Variants in TRPC3 observed in about 807,000 individuals in gnomAD.
TRPC3 encodes the protein short transient receptor potential channel 3.
Under a neutral mutation model 90.9 loss-of-function variants are expected in TRPC3, and 54 were observed. That is an observed-to-expected ratio of 0.59 (90% confidence interval 0.48 to 0.75). The LOEUF (loss-of-function observed/expected upper bound fraction) is 0.75. TRPC3 is among the 30% of genes least tolerant of loss of function. The pLI is 0.00. For synonymous variants in TRPC3, 424 were observed against 450.9 expected, an observed-to-expected ratio of 0.94 and a Z score of 0.75; for missense variants, 918 against 1,194.5, an observed-to-expected ratio of 0.77 and a Z score of 3.41.
chr4:121,901,412 A>G (rs1728693708), intron 9 of TRPC3, among the ~76,000 whole-genome samples: 1 of 152,238 alleles, frequency 6.6e-6, no homozygotes, highest in African/African-American at 2.4e-5. Flanking sequence ...CAGGTGCCGC[A>G]GAGAGAGCTA....
chr4:121,944,462 G>A (rs1258291543), intron 1 of TRPC3, among the ~76,000 whole-genome samples: 3 of 152,016 alleles, frequency 2.0e-5, no homozygotes, highest in East Asian at 3.9e-4. Context: ...TGTAGGCAGA[G>A]GAAAAGCTCA....
intron 1 of TRPC3, among the ~76,000 whole-genome samples, chr4:121,942,819 C>T (rs1730364988): frequency 6.6e-6 from 1 of 152,200 alleles, no homozygotes; most frequent in Non-Finnish European, 1.5e-5. Flanking sequence ...TCTAAAAGTA[C>T]ACTGGAGCAG....
At chr4:121,890,758 G>A (rs1054605824) in intron 10 of TRPC3, among the ~76,000 whole-genome samples, 5 of 151,962 alleles carry the variant, frequency 3.3e-5, no homozygotes, top group South Asian at 2.1e-4. Context: ...TTGGGAGGCC[G>A]AGATGGGTGG....
chr4:121,940,639 C>T lies in TRPC3; in HGVS notation c.216-7597G>A, dbSNP rs367692069. Among the ~76,000 whole-genome samples the T allele has an allele frequency of 5.4e-4, 83 of 152,304 alleles. 1 individual carries two copies. The highest frequency in any genetic ancestry group is 1.0e-3 in the South Asian group (5 of 4,822). On this transcript the variant is annotated intron_variant, in intron 1 of 11. Coordinates refer to ENST00000379645, the MANE Select transcript of TRPC3 (RefSeq NM_001130698.2). ...AGGGTCACGTTTCACAGGGCAATGCCGATATGACCCACAAGATTCTGTTCA... is the reference window on the plus strand; with the variant it reads ...AGGGTCACGTTTCACAGGGCAATGCTGATATGACCCACAAGATTCTGTTCA...
At chr4:121,935,333 T>G (rs1398944800) in intron 1 of TRPC3, among the ~76,000 whole-genome samples, 1 of 151,876 alleles carries the variant, frequency 6.6e-6, no homozygotes, top group African/African-American at 2.4e-5. Flanking sequence ...GTATGATGTG[T>G]AGGGGAGAGT....
At chr4:121,911,829 A>G (rs1258704180) in intron 5 of TRPC3, 48 bp downstream of exon 5, 1 of 1,524,042 alleles carries the variant, frequency 6.6e-7, no homozygotes, top group African/African-American at 1.4e-5. Flanking sequence ...AATTATTTCT[A>G]TAATTACCTT....
intron 1 of TRPC3, among the ~76,000 whole-genome samples, chr4:121,936,096 C>T (rs1283265325): frequency 2.0e-5 from 3 of 152,078 alleles, no homozygotes; most frequent in Admixed American, 2.0e-4. Context: ...ACTGTTGTTT[C>T]AAAATAAAAG....
At chr4:121,899,766 T>G in intron 9 of TRPC3, 71 bp from the exon 10 acceptor site, 1 of 1,191,088 alleles carries the variant, frequency 8.4e-7, no homozygotes, top group South Asian at 1.3e-5. Context: ...AATCCATTTA[T>G]TCTCCTTGAT....
chr4:121,901,971 G>A (rs1578614541), intron 9 of TRPC3, among the ~76,000 whole-genome samples: 1 of 152,144 alleles, frequency 6.6e-6, no homozygotes, highest in East Asian at 1.9e-4. Context: ...TACAATTCTT[G>A]AAGATTCACA....
chr4:121,910,496 T>A, intron 5 of TRPC3, 109 bp from the exon 6 acceptor site: 1 of 813,694 alleles, frequency 1.2e-6, no homozygotes, highest in Admixed American at 2.0e-5. Context: ...TCAAGCACAG[T>A]ACTAGGCATC....
At chr4:121,923,227 G>A (rs1229772785) in intron 3 of TRPC3, among the ~76,000 whole-genome samples, 1 of 152,190 alleles carries the variant, frequency 6.6e-6, no homozygotes. Flanking sequence ...TTTCTATGCT[G>A]ATATGGGAGC....
At chr4:121,890,788 G>A (rs567777423) in intron 10 of TRPC3, among the ~76,000 whole-genome samples, 11 of 152,038 alleles carry the variant, frequency 7.2e-5, no homozygotes, top group Admixed American at 5.2e-4. Context: ...TCAGGAGATC[G>A]AGACTATCCT....
intron 1 of TRPC3, among the ~76,000 whole-genome samples, chr4:121,946,964 C>A (rs1021365881): frequency 6.6e-6 from 1 of 151,874 alleles, no homozygotes; most frequent in Admixed American, 6.6e-5. Context: ...AGGAGGATTG[C>A]TTGAGCTCAG....
intron 10 of TRPC3, among the ~76,000 whole-genome samples, chr4:121,898,904 A>G (rs1728608952): frequency 6.6e-6 from 1 of 152,192 alleles, no homozygotes; most frequent in African/African-American, 2.4e-5. Context: ...CAGTGGGCTG[A>G]GCCATTTTGT....
intron 8 of TRPC3, among the ~76,000 whole-genome samples, chr4:121,903,820 A>G (rs1728786234): frequency 6.6e-6 from 1 of 152,188 alleles, no homozygotes; most frequent in South Asian, 2.1e-4. Context: ...AGCACTAAAA[A>G]GATACTGAAA....
At chr4:121,904,672 T>C (rs1321018144) in intron 7 of TRPC3, among the ~76,000 whole-genome samples, 155 bp from the exon 8 acceptor site, 2 of 152,152 alleles carry the variant, frequency 1.3e-5, no homozygotes, top group Non-Finnish European at 2.9e-5. Flanking sequence ...TGACATTTCA[T>C]AGAAAAATTA....
chr4:121,890,191 G>A (rs1196085123), intron 10 of TRPC3, among the ~76,000 whole-genome samples: 1 of 152,158 alleles, frequency 6.6e-6, no homozygotes, highest in South Asian at 2.1e-4. Flanking sequence ...GTAGGGAGAA[G>A]TTGGTCACCA....
At chr4:121,949,005 T>C (rs78753685) in intron 1 of TRPC3, among the ~76,000 whole-genome samples, 4,560 of 152,300 alleles carry the variant, frequency 0.03, 237 homozygotes, top group African/African-American at 0.1. Context: ...CTTATCTTTG[T>C]GGCTTGCAGT....
chr4:121,931,442 T>C (rs1729920194), intron 2 of TRPC3, among the ~76,000 whole-genome samples: 2 of 152,006 alleles, frequency 1.3e-5, no homozygotes, highest in Admixed American at 6.6e-5. Flanking sequence ...TCAAAACGCA[T>C]AGGAGGAGGT....
Sources: gnomAD v4.1 joint callset for allele counts (sites outside exome capture counted in the v4.1 genomes callset) on GRCh38, gnomAD v4.1.1 for gene constraint, MANE v1.5 for transcripts, NCBI Gene and HGNC (gene_info 2026-07-23, HGNC 2026-07-21) for gene names.